The following ALCAM variants were observed in gnomAD, a reference collection of about 807,000 sequenced individuals.
ALCAM encodes CD166 antigen.
In ALCAM, 30 loss-of-function variants were observed where a neutral mutation model predicts 70.9. The ratio of observed to expected loss-of-function variants is 0.42; its 90% CI spans 0.32 to 0.57. The LOEUF is 0.57. ALCAM is among the 20% of genes least tolerant of loss of function. The pLI, the probability that ALCAM is intolerant of heterozygous loss-of-function variation, is 0.11. For missense variants in ALCAM, 591 were observed against 695.1 expected (o/e 0.85, Z 1.68); for synonymous variants, 249 against 242.5 (o/e 1.03, Z -0.25).
intron 2 of ALCAM, among the ~76,000 whole-genome samples, chr3:105,523,591 C>T (rs1477379306): frequency 1.3e-5 from 2 of 152,090 alleles, no homozygotes; most frequent in Admixed American, 6.5e-5. Context: ...GGAAGAAATG[C>T]GTTATATGTC....
intron 1 of ALCAM, among the ~76,000 whole-genome samples, chr3:105,491,956 C>T (rs573824097): frequency 1.3e-3 from 203 of 152,238 alleles, no homozygotes; most frequent in African/African-American, 4.6e-3. Flanking sequence ...CCCCACTACC[C>T]GGTACCAATT....
intron 1 of ALCAM, among the ~76,000 whole-genome samples, chr3:105,450,902 T>A (rs1937411140): frequency 6.6e-6 from 1 of 152,106 alleles, no homozygotes; most frequent in Non-Finnish European, 1.5e-5. Flanking sequence ...AAAATACTAT[T>A]TAAACTTCGT....
chr3:105,441,059 A>G (rs1002552538), intron 1 of ALCAM, among the ~76,000 whole-genome samples: 4 of 152,164 alleles, frequency 2.6e-5, no homozygotes, highest in African/African-American at 7.2e-5. Flanking sequence ...TGCCTGAGCT[A>G]ATGTAAATTA....
At chr3:105,531,976 T>C in intron 3 of ALCAM, 26 bp from the exon 4 acceptor site, 1 of 1,604,954 alleles carries the variant, frequency 6.2e-7, no homozygotes. Context: ...CATATGTACT[T>C]AAAATCTTTC....
chr3:105,564,815 G>A (rs1448033099), intron 14 of ALCAM, among the ~76,000 whole-genome samples: 2 of 152,234 alleles, frequency 1.3e-5, no homozygotes, highest in East Asian at 1.9e-4. Context: ...GGAGGCCGAG[G>A]CAGGCAGATT....
chr3:105,519,028 G>A (rs947605932), intron 1 of ALCAM, among the ~76,000 whole-genome samples: 2 of 151,964 alleles, frequency 1.3e-5, no homozygotes, highest in Non-Finnish European at 2.9e-5. Context: ...AGCACCACCT[G>A]GTGGACAAAA....
In ALCAM at chr3:105,576,321, TAAAG is replaced by T. The variant is rs1377260118; in HGVS notation, c.*1874_*1877del. On this transcript the variant is annotated 3_prime_UTR_variant, in exon 16 of 16. Coordinates refer to ENST00000306107, the MANE Select transcript of ALCAM (RefSeq NM_001627.4). Reference sequence around the variant, plus strand: ...TTTTATTTTCTCTTTAGAATTTTGTTAAAGAAATTCTAAAATTTTTAAACACCTG... The same window carrying T: ...TTTTATTTTCTCTTTAGAATTTTGTTAAATTCTAAAATTTTTAAACACCTG... 1 of 152,566 alleles carries T rather than the reference TAAAG, an allele frequency of 6.6e-6. No homozygotes were observed. The highest frequency in any genetic ancestry group is 2.4e-5 in the African/African-American group (1 of 41,438). The allele number at this position is 152,566 out of a possible 1,614,324, so 9.5% of individuals were successfully genotyped here.
intron 1 of ALCAM, among the ~76,000 whole-genome samples, chr3:105,418,017 T>C (rs557532318): frequency 3.6e-4 from 55 of 151,754 alleles, no homozygotes; most frequent in Non-Finnish European, 7.5e-4. Flanking sequence ...AGAATTGTCC[T>C]TTTGCTGATT....
intron 1 of ALCAM, among the ~76,000 whole-genome samples, chr3:105,367,907 G>C (rs1466994558): frequency 1.3e-5 from 2 of 151,906 alleles, no homozygotes; most frequent in Non-Finnish European, 2.9e-5. Context: ...GCACTTTTTC[G>C]TGATAAATCC....
At chr3:105,552,690 A>C in intron 14 of ALCAM, 105 bp downstream of exon 14, 5 of 1,569,420 alleles carry the variant, frequency 3.2e-6, no homozygotes, top group Admixed American at 1.8e-5. Context: ...TTATACAATA[A>C]GGAAGATGTA....
intron 1 of ALCAM, among the ~76,000 whole-genome samples, chr3:105,368,041 T>G (rs1002420868): frequency 6.6e-6 from 1 of 151,446 alleles, no homozygotes; most frequent in African/African-American, 2.4e-5. Flanking sequence ...GGTTTCAACG[T>G]TACCCCCTGC....
At chr3:105,543,010 C>A (rs1940160627) in intron 8 of ALCAM, among the ~76,000 whole-genome samples, 1 of 151,690 alleles carries the variant, frequency 6.6e-6, no homozygotes, top group South Asian at 2.1e-4. Context: ...AGAATATAGC[C>A]AGCAGATAGA....
At chr3:105,527,598 A>G (rs1421332933) in intron 3 of ALCAM, among the ~76,000 whole-genome samples, 2 of 120,602 alleles carry the variant, frequency 1.7e-5, no homozygotes, top group African/African-American at 5.2e-5. Flanking sequence ...TTTGTTCATG[A>G]AAAAAAAAAG....
chr3:105,423,319 T>C (rs1452355997), intron 1 of ALCAM, among the ~76,000 whole-genome samples: 2 of 151,410 alleles, frequency 1.3e-5, no homozygotes, highest in African/African-American at 4.8e-5. Context: ...ATGACTGTTA[T>C]CATGTCTATG....
intron 14 of ALCAM, among the ~76,000 whole-genome samples, chr3:105,566,998 C>A (rs974221245): frequency 6.6e-6 from 1 of 151,878 alleles, no homozygotes; most frequent in African/African-American, 2.4e-5. Context: ...CTTTCTTTTG[C>A]CTTTAAGTGA....
intron 1 of ALCAM, among the ~76,000 whole-genome samples, chr3:105,464,818 T>C (rs1937668447): frequency 6.6e-6 from 1 of 151,368 alleles, no homozygotes; most frequent in Non-Finnish European, 1.5e-5. Context: ...ATTTTAAAAA[T>C]ATAATTTACA....
intron 14 of ALCAM, among the ~76,000 whole-genome samples, chr3:105,564,203 T>C (rs1002926563): frequency 6.6e-6 from 1 of 152,204 alleles, no homozygotes; most frequent in Non-Finnish European, 1.5e-5. Context: ...TTTGTTTAAA[T>C]ATTCTTACCC....
intron 1 of ALCAM, among the ~76,000 whole-genome samples, chr3:105,497,892 G>A (rs1006382192): frequency 2.0e-5 from 3 of 152,068 alleles, no homozygotes; most frequent in South Asian, 4.2e-4. Flanking sequence ...TTAGCCGGGC[G>A]TGGTGGCAGG....
chr3:105,424,736 G>A (rs535001860), intron 1 of ALCAM, among the ~76,000 whole-genome samples: 1 of 151,838 alleles, frequency 6.6e-6, no homozygotes, highest in South Asian at 2.1e-4. Flanking sequence ...GAATCTAGGT[G>A]TGAGGTCACA....
Sources: gnomAD v4.1 joint callset for allele counts (sites outside exome capture counted in the v4.1 genomes callset) on GRCh38, gnomAD v4.1.1 for gene constraint, MANE v1.5 for transcripts, NCBI Gene and HGNC (gene_info 2026-07-23, HGNC 2026-07-21) for gene names.